IPO11: variants seen among roughly 807,000 people sequenced by gnomAD.
IPO11 encodes the protein importin-11.
A neutral mutation model predicts 143.2 loss-of-function variants in IPO11; 66 were observed. The observed-to-expected ratio is 0.46, with a 90% CI of 0.38 to 0.57. The LOEUF (loss-of-function observed/expected upper bound fraction) is 0.57, where lower values mean the gene tolerates loss of function less well. Ranked by LOEUF, IPO11 falls within the 20% of genes least tolerant of loss-of-function variation. The probability of loss-of-function intolerance (pLI) is 0.00; values close to 1 mark genes in which losing one functional copy is unlikely to be tolerated. For synonymous variants in IPO11, 385 were observed against 377.8 expected, an observed-to-expected ratio of 1.02 and a Z score of -0.22; for missense variants, 1,026 against 1,141.0, an observed-to-expected ratio of 0.90 and a Z score of 1.45.
chr5:62,564,996 G>T (rs1257455976), intron 27 of IPO11, among the ~76,000 whole-genome samples: 1 of 152,252 alleles, frequency 6.6e-6, no homozygotes, highest in South Asian at 2.1e-4. Context: ...TTGTTGTCAG[G>T]ATTAAGATTG....
chr5:62,485,612 G>A, intron 12 of IPO11, 150 bp downstream of exon 12: 2 of 633,466 alleles, frequency 3.2e-6, no homozygotes, highest in African/African-American at 1.9e-5. Flanking sequence ...GCCAAGGTGG[G>A]AGGATCGCTT....
intron 1 of IPO11, chr5:62,419,236 C>A: frequency 8.3e-7 from 1 of 1,205,724 alleles, no homozygotes; most frequent in Non-Finnish European, 1.1e-6. Flanking sequence ...TCGAATGGAG[C>A]TTGGAGGACT....
In IPO11 at chr5:62,530,712, A is replaced by C; in HGVS notation, c.2016A>C (p.Leu672Phe). Residue 672 changes from leucine to phenylalanine, a missense_variant, in exon 22 of 30, where the codon TTA becomes TTC. Physicochemically the swap from Leu to Phe is conservative, Grantham distance 22. Around this residue, in one of 5 missense-constraint regions of IPO11, gnomAD observed 351 missense variants for 358.9 expected, o/e 0.98. Coordinates refer to ENST00000325324, the MANE Select transcript of IPO11 (RefSeq NM_016338.5). ...YLLEDGLELWLVTLENSPCIT... is the reference protein window; with the variant it reads ...YLLEDGLELWFVTLENSPCIT... ...ATCATCTGTTTTTCCTTCCTAGGTT[A>C]GTAACTTTGGAAAACAGTCCATGTA... 1 of 1,609,420 alleles carries C rather than the reference A, an allele frequency of 6.2e-7. No homozygotes were observed. Among genetic ancestry groups the C allele is most frequent in the Non-Finnish European group, 8.5e-7 (1 of 1,176,154 alleles).
intron 26 of IPO11, among the ~76,000 whole-genome samples, chr5:62,555,023 ATATTTTGAAATCT>A (rs1202925441): frequency 1.3e-5 from 2 of 152,130 alleles, no homozygotes; most frequent in African/African-American, 4.8e-5. Flanking sequence ...CTTATGTAAT[ATATTTTGAAATCT>A]GGTGGTGTGA....
chr5:62,546,313 C>T (rs1743179621), intron 24 of IPO11, among the ~76,000 whole-genome samples: 1 of 152,070 alleles, frequency 6.6e-6, no homozygotes, highest in African/African-American at 2.4e-5. Context: ...ATGGATGAAG[C>T]TGGAAACCAT....
chr5:62,420,566 A>G (rs907794401), intron 1 of IPO11, among the ~76,000 whole-genome samples: 6 of 151,626 alleles, frequency 4.0e-5, no homozygotes, highest in Non-Finnish European at 7.4e-5. Context: ...TATGTGGTCC[A>G]TATCTGACTG....
At chr5:62,485,329 T>G (rs1396030899) in intron 11 of IPO11, 90 bp from the exon 12 acceptor site, 2 of 1,029,810 alleles carry the variant, frequency 1.9e-6, no homozygotes, top group East Asian at 4.9e-5. Context: ...TTTAAAAGAG[T>G]TCACAAAAAT....
intron 23 of IPO11, 95 bp from the exon 24 acceptor site, chr5:62,537,114 C>A (rs1047156584): frequency 1.3e-6 from 1 of 747,890 alleles, no homozygotes; most frequent in African/African-American, 1.8e-5. Context: ...GTGTATAATT[C>A]TCAAGTATAT....
At chr5:62,520,039 G>A (rs572401776) in intron 20 of IPO11, among the ~76,000 whole-genome samples, 1 of 152,294 alleles carries the variant, frequency 6.6e-6, no homozygotes, top group East Asian at 1.9e-4. Flanking sequence ...TTTAATCTGT[G>A]ACCTCCCCTT....
At chr5:62,517,682 C>T (rs752396739) in intron 20 of IPO11, among the ~76,000 whole-genome samples, 1 of 152,184 alleles carries the variant, frequency 6.6e-6, no homozygotes, top group African/African-American at 2.4e-5. Flanking sequence ...GGATTACAGG[C>T]GTGAGCCACT....
chr5:62,539,309 T>TA (rs1461274995), intron 24 of IPO11, among the ~76,000 whole-genome samples: 4 of 152,206 alleles, frequency 2.6e-5, no homozygotes, highest in Non-Finnish European at 4.4e-5. Flanking sequence ...GGTTTGTAGA[T>TA]ACGTAATCCT....
chr5:62,512,574 CTTT>C (rs1236651522), intron 19 of IPO11: 4 of 579,682 alleles, frequency 6.9e-6, no homozygotes, highest in African/African-American at 1.9e-5. Flanking sequence ...TATGGGAGGA[CTTT>C]TTTTTGTTGT....
chr5:62,464,262 T>G lies in IPO11; in HGVS notation c.517-2869T>G, dbSNP rs561292779. Among the ~76,000 whole-genome samples the G allele has an allele frequency of 1.5e-4, 21 of 142,760 alleles. No homozygotes were observed. The South Asian group carries it at 4.6e-3, about 31-fold the overall frequency. The allele number at this position is 142,760 out of a possible 152,430, so 93.7% of individuals were successfully genotyped here. On this transcript the variant is annotated intron_variant, in intron 5 of 29. Coordinates refer to ENST00000325324, the MANE Select transcript of IPO11 (RefSeq NM_016338.5). ...CCTCCCGGATTCTCCCGCCTCAGCC[T>G]CCCGAGTAGCTGGGACTACAGACGT... is the stretch of plus-strand genomic sequence containing the variant.
chr5:62,432,296 C>T (rs183941128), intron 1 of IPO11, among the ~76,000 whole-genome samples: 14 of 152,208 alleles, frequency 9.2e-5, no homozygotes, highest in East Asian at 7.7e-4. Flanking sequence ...GAGCTTCTGC[C>T]GCAGGAGTGG....
rs201492795 is a variant in IPO11, at chr5:62,601,720, T to G, written c.2679-44T>G. Reference sequence around the variant, plus strand: ...TAAGGACTTATTTTTAAGTGTATTATAGACATTTTTATTTAAAACATGTTT... The same window carrying G: ...TAAGGACTTATTTTTAAGTGTATTAGAGACATTTTTATTTAAAACATGTTT... On this transcript the variant is annotated intron_variant, in intron 28 of 29. Transcript: ENST00000325324. 2,169 of 1,046,226 alleles carry G rather than the reference T, an allele frequency of 2.1e-3. 3 individuals are homozygous for G. The highest frequency in any genetic ancestry group is 2.8e-3 in the Non-Finnish European group (2,058 of 734,904). 64.8% of individuals were successfully genotyped at this position (1,046,226 alleles called of 1,614,324 possible).
chr5:62,509,908 G>A (rs1741687610), intron 19 of IPO11, among the ~76,000 whole-genome samples: 1 of 152,160 alleles, frequency 6.6e-6, no homozygotes, highest in African/African-American at 2.4e-5. Context: ...TTGAATAGAT[G>A]CCCAGAAATG....
At chr5:62,619,728 C>T (rs1244161837) in intron 29 of IPO11, among the ~76,000 whole-genome samples, 2 of 151,916 alleles carry the variant, frequency 1.3e-5, no homozygotes, top group South Asian at 2.1e-4. Context: ...TGGTGGGCGC[C>T]TGTAGTCCCA....
intron 22 of IPO11, among the ~76,000 whole-genome samples, chr5:62,533,647 C>G (rs952622014): frequency 2.0e-5 from 3 of 152,072 alleles, no homozygotes; most frequent in Admixed American, 6.6e-5. Context: ...TTTAAGCTAT[C>G]TGTTTATTAA....
intron 26 of IPO11, among the ~76,000 whole-genome samples, chr5:62,559,057 G>A (rs1484366482): frequency 1.3e-5 from 2 of 152,158 alleles, no homozygotes; most frequent in East Asian, 3.9e-4. Context: ...GAAAATTCTA[G>A]CGATCTCAGC....
Sources: allele counts gnomAD v4.1 joint callset (sites outside exome capture counted in the v4.1 genomes callset), GRCh38; gene constraint gnomAD v4.1.1; regional missense constraint gnomAD v4.1.1; transcripts MANE v1.5; gene names NCBI Gene and HGNC (gene_info 2026-07-23, HGNC 2026-07-21).